Variants in WNT2B observed in about 807,000 individuals in gnomAD.
The protein encoded by WNT2B is protein Wnt-2b.
WNT2B carries 19 observed loss-of-function variants against 40.5 expected under a neutral mutation model. The observed-to-expected ratio is 0.47, with a 90% CI of 0.33 to 0.69. The LOEUF (loss-of-function observed/expected upper bound fraction) is 0.69. Ranked by LOEUF, WNT2B falls within the 30% of genes least tolerant of loss-of-function variation. The pLI is 0.02. For synonymous variants in WNT2B, 220 were observed against 211.9 expected (o/e 1.04, Z -0.33); for missense variants, 467 against 556.4 (o/e 0.84, Z 1.62).
upstream of WNT2B, among the ~76,000 whole-genome samples, chr1:112,507,500 C>T (rs1403795447): frequency 6.6e-6 from 1 of 152,200 alleles, no homozygotes. Context: ...CTCTGCCCGC[C>T]CACAGAAGTT....
chr1:112,479,665 G>A (rs1429383612), intron 1 of WNT2B, among the ~76,000 whole-genome samples: 1 of 152,084 alleles, frequency 6.6e-6, no homozygotes, highest in Non-Finnish European at 1.5e-5. Context: ...GGGATGGAGA[G>A]TAAAAGTCTA....
Position 112,526,309 on chromosome 1 carries a change from C to T in WNT2B, c.*5800C>T. 1.8e-6 allele frequency: 1 copy of T among 546,750 alleles called. No homozygotes were observed. The highest frequency in any genetic ancestry group is 3.1e-6 in the Non-Finnish European group (1 of 327,474). 33.9% of individuals were successfully genotyped at this position (546,750 alleles called of 1,614,324 possible). The stretch of plus-strand genomic sequence containing the variant: ...CTATACAACATATTCCACATTTAAA[C>T]AACTCTGGCTCCTAATTCTACTCCT... On this transcript the variant is annotated 3_prime_UTR_variant, in exon 5 of 5. Transcript: ENST00000369684.
chr1:112,520,696 G>A lies in WNT2B; in HGVS notation c.*187G>A, dbSNP rs1366809958. The A allele has an allele frequency of 3.2e-6, 2 of 634,682 alleles. No homozygotes were observed. The highest frequency in any genetic ancestry group is 5.4e-6 in the Non-Finnish European group (2 of 368,752). The allele number at this position is 634,682 out of a possible 1,614,324, so 39.3% of individuals were successfully genotyped here. On this transcript the variant is annotated 3_prime_UTR_variant, in exon 5 of 5. Coordinates refer to ENST00000369684, the MANE Select transcript of WNT2B (RefSeq NM_024494.3). ...CCTTAGCCCTGGGAAGGAGTTGTCA[G>A]GGGATATAAGAAACTGAGCAAGCTC...
chr1:112,507,148 T>C (rs1016680165), upstream of WNT2B, among the ~76,000 whole-genome samples: 2 of 152,176 alleles, frequency 1.3e-5, no homozygotes, highest in African/African-American at 4.8e-5. Context: ...TCTGCTTGCA[T>C]GTCACCTTAA....
At chr1:112,497,778 C>CT (rs1350043632) in intron 1 of WNT2B, among the ~76,000 whole-genome samples, 1 of 152,132 alleles carries the variant, frequency 6.6e-6, no homozygotes, top group Non-Finnish European at 1.5e-5. Context: ...TTTTGCTTCT[C>CT]TTTTTTATTA....
Position 112,484,415 on chromosome 1 carries a change from C to T in WNT2B, c.-95+16824C>T, listed in dbSNP as rs200759424. 5.3e-5 allele frequency among the ~76,000 whole-genome samples: 8 copies of T among 150,680 alleles called. No homozygotes were observed. The East Asian group carries it at 1.2e-3, about 22-fold the overall frequency. On this transcript the variant is annotated intron_variant, in intron 1 of 4. Transcript: ENST00000256640. ...TCCCAGGCTCAAATGATCCTCCTGC[C>T]TCAGCCTCCTGAGTGGCTAATTTTT...
At chr1:112,499,487 C>G (rs544629730) in intron 1 of WNT2B, among the ~76,000 whole-genome samples, 1 of 152,264 alleles carries the variant, frequency 6.6e-6, no homozygotes, top group African/African-American at 2.4e-5. Context: ...AAGGCTGATT[C>G]AACATTTGAA....
At chr1:112,511,340 G>A (rs952932711) in intron 1 of WNT2B, among the ~76,000 whole-genome samples, 86 of 152,166 alleles carry the variant, frequency 5.7e-4, no homozygotes, top group Non-Finnish European at 6.0e-4. Flanking sequence ...GGGTACAGAG[G>A]TTGTTTCAGC....
chr1:112,490,904 T>C, intron 1 of WNT2B: 1 of 1,128,728 alleles, frequency 8.9e-7, no homozygotes, highest in Non-Finnish European at 1.3e-6. Context: ...CCCCCCTGGA[T>C]TCCCAATAGC....
upstream of WNT2B, chr1:112,508,958 G>A: frequency 8.2e-7 from 1 of 1,226,080 alleles, no homozygotes; most frequent in Non-Finnish European, 1.0e-6. The surrounding 1 kb of genome is among the most constrained non-coding windows in gnomAD (Gnocchi z 4.2). Flanking sequence ...GGCCGAAGGG[G>A]CTGTCCGCAC....
Position 112,509,386 on chromosome 1 carries a change from G to A in WNT2B, c.124G>A (p.Ala42Thr). The A allele has an allele frequency of 6.3e-7, 1 of 1,596,926 alleles. No individual in the cohort carries two copies. The highest frequency in any genetic ancestry group is 1.1e-5 in the South Asian group (1 of 90,280). The change falls in exon 1 of 5, where the codon GCC becomes ACC. Residue 42 changes from alanine (A) to threonine (T), a missense_variant. This residue lies in a region of WNT2B where 137 missense variants were observed against 117.7 expected (regional missense o/e 1.16). Transcript: ENST00000369684. This position sits in a 1 kb window ranked among gnomAD's most constrained non-coding sequence, Gnocchi z 4.2. ...GSRASARLGL[A>T]CLLLLLLLTL... ...CCGGGCTTCGGCCCGCCTAGGTCTT[G>A]CCTGCCTTCTGCTCCTGCTGCTGCT... is the stretch of plus-strand genomic sequence containing the variant.
At position 112,517,317 on chromosome 1, in the gene WNT2B, G is replaced by T. The variant is rs766318758; in HGVS notation, c.878G>T (p.Arg293Leu). 6 of 1,614,134 alleles carry T rather than the reference G, an allele frequency of 3.7e-6. No homozygotes were observed. The highest frequency in any genetic ancestry group is 5.1e-6 in the Non-Finnish European group (6 of 1,179,986). ...NFTAARQGYR[R>L]ATRTDLVYFD... ...ACCGCAGCCCGCCAAGGCTATCGCC[G>T]TGCCACCCGGACTGATCTTGTCTAC... The change falls in exon 4 of 5, where the codon CGT becomes CTT. Residue 293 changes from arginine to leucine, a missense_variant. Physicochemically the swap from Arg to Leu is moderately radical, Grantham distance 102. Coordinates refer to ENST00000369684, the MANE Select transcript of WNT2B (RefSeq NM_024494.3).
At chr1:112,477,617 C>T (rs994625552) in intron 1 of WNT2B, among the ~76,000 whole-genome samples, 2 of 152,110 alleles carry the variant, frequency 1.3e-5, no homozygotes, top group Non-Finnish European at 2.9e-5. Flanking sequence ...CAAGAAGACA[C>T]TGGGAATTCA....
At chr1:112,513,195 G>T (rs2101086583) in intron 1 of WNT2B, among the ~76,000 whole-genome samples, 1 of 152,236 alleles carries the variant, frequency 6.6e-6, no homozygotes, top group African/African-American at 2.4e-5. Context: ...ACGGTGGTGA[G>T]ACAGGGACAA....
chr1:112,512,352 G>A (rs978140295), intron 1 of WNT2B, among the ~76,000 whole-genome samples: 4 of 152,338 alleles, frequency 2.6e-5, no homozygotes, highest in African/African-American at 7.2e-5. Flanking sequence ...TTTGTGGAGT[G>A]GTGCATCCAA....
chr1:112,470,378 C>T (rs578015758), intron 1 of WNT2B, among the ~76,000 whole-genome samples: 63 of 152,024 alleles, frequency 4.1e-4, no homozygotes, highest in East Asian at 2.1e-3. Context: ...CACCTGAGGA[C>T]GGGAGTTTGA....
In WNT2B at chr1:112,494,309, C is replaced by CAA. The variant is rs60459479; in HGVS notation, c.-94-20555_-94-20554dup. Among the ~76,000 whole-genome samples, 245 of 144,156 alleles carry CAA rather than the reference C, an allele frequency of 1.7e-3. 8 individuals carry two copies. The highest frequency in any genetic ancestry group is 6.0e-3 in the African/African-American group (230 of 38,600). 94.6% of individuals were successfully genotyped at this position (144,156 alleles called of 152,430 possible). On this transcript the variant is annotated intron_variant, in intron 1 of 4. Transcript: ENST00000256640. ...TGGGCAACAGAGAGACGATCCGTTT[C>CAA]AAAAAAAAAAATTATATCTACCTTC... is the stretch of plus-strand genomic sequence containing the variant.
In WNT2B at chr1:112,526,004, G is replaced by A. The variant is rs368488162; in HGVS notation, c.*5495G>A. The A allele has an allele frequency of 1.2e-6, 2 of 1,613,966 alleles. No individual in the cohort carries two copies. The highest frequency in any genetic ancestry group is 1.7e-6 in the Non-Finnish European group (2 of 1,179,964). On this transcript the variant is annotated 3_prime_UTR_variant, in exon 5 of 5. Transcript: ENST00000369684. ...TGATTTGTCCAAGGTCACATGAACA[G>A]TGCGTGGCTCAGCCAGAACTCAAAC...
chr1:112,519,262 AATATGT>A (rs1166356817), intron 4 of WNT2B, among the ~76,000 whole-genome samples: 2 of 152,240 alleles, frequency 1.3e-5, no homozygotes, highest in African/African-American at 4.8e-5. Flanking sequence ...CCACTATATG[AATATGT>A]ATATTATAAA....
Sources: allele counts gnomAD v4.1 joint callset (sites outside exome capture counted in the v4.1 genomes callset), GRCh38; gene constraint gnomAD v4.1.1; regional missense constraint gnomAD v4.1.1; non-coding constraint Gnocchi (gnomAD v3.1); transcripts MANE v1.5; gene names NCBI Gene and HGNC (gene_info 2026-07-23, HGNC 2026-07-21).